The following CYP2C19 variants were observed in gnomAD, a reference collection of about 807,000 sequenced individuals.
CYP2C19 encodes cytochrome P450 family 2 subfamily C member 19.
CYP2C19 carries 59 observed loss-of-function variants against 40.9 expected under a neutral mutation model. The ratio of observed to expected loss-of-function variants is 1.44; its 90% CI spans 1.17 to 1.79. The LOEUF is 1.79. Among genes scored for constraint, CYP2C19 ranks in the 40% most tolerant of loss-of-function variants. CYP2C19 has a pLI of 0.00. For synonymous variants in CYP2C19, 253 were observed against 208.7 expected (o/e 1.21, Z -1.83); for missense variants, 754 against 596.9 (o/e 1.26, Z -2.74).
chr10:94,815,373 C>T (rs1848985900), intron 5 of CYP2C19, among the ~76,000 whole-genome samples: 1 of 152,178 alleles, frequency 6.6e-6, no homozygotes, highest in Admixed American at 6.5e-5. Context: ...TTATTGCTGG[C>T]CTAGGGACTT....
At chr10:94,820,752 C>A in intron 6 of CYP2C19, 115 bp downstream of exon 6, 1 of 1,325,948 alleles carries the variant, frequency 7.5e-7, no homozygotes, top group Non-Finnish European at 1.1e-6. Flanking sequence ...TTTCTGTGCC[C>A]GCAGCTGTAA....
At chr10:94,779,551 T>TTTTCCTTTTC (rs142844620) in intron 3 of CYP2C19, among the ~76,000 whole-genome samples, 1 of 136,166 alleles carries the variant, frequency 7.3e-6, no homozygotes, top group South Asian at 2.3e-4. Context: ...CTTTTTTTCC[T>TTTTCCTTTTC]TTTTCTTTTC....
chr10:94,832,459 T>C (rs1477509265), intron 6 of CYP2C19, among the ~76,000 whole-genome samples: 1 of 152,168 alleles, frequency 6.6e-6, no homozygotes, highest in Non-Finnish European at 1.5e-5. Context: ...GTTTCAATTA[T>C]CCCCACATGG....
chr10:94,826,772 T>C (rs1849231926), intron 6 of CYP2C19, among the ~76,000 whole-genome samples: 1 of 152,204 alleles, frequency 6.6e-6, no homozygotes, highest in Non-Finnish European at 1.5e-5. Flanking sequence ...TTTTGCCCAT[T>C]CAGTATGATG....
At chr10:94,816,429 A>G (rs932182594) in intron 5 of CYP2C19, among the ~76,000 whole-genome samples, 2 of 152,132 alleles carry the variant, frequency 1.3e-5, no homozygotes, top group African/African-American at 2.4e-5. Context: ...GTTAGAGAAA[A>G]TATAAGTGGT....
At chr10:94,841,133 G>A (rs1196628059) in intron 6 of CYP2C19, among the ~76,000 whole-genome samples, 1 of 152,084 alleles carries the variant, frequency 6.6e-6, no homozygotes, top group Non-Finnish European at 1.5e-5. Flanking sequence ...TTGGCCTCAC[G>A]AATTCCAAGG....
intron 1 of CYP2C19, chr10:94,774,440 G>A (rs964088104): frequency 6.5e-6 from 1 of 154,162 alleles, no homozygotes. Flanking sequence ...GGATTAGGGT[G>A]ATTCTTATAA....
intron 6 of CYP2C19, among the ~76,000 whole-genome samples, chr10:94,820,852 A>C (rs1440565715): frequency 6.6e-6 from 1 of 152,182 alleles, no homozygotes; most frequent in African/African-American, 2.4e-5. Context: ...TGGGAGGCCT[A>C]GGTGGGTGGA....
At position 94,826,868 on chromosome 10, in the gene CYP2C19, AG is replaced by A. The variant is rs550482436; in HGVS notation, c.961+6234del. 7.7e-3 allele frequency among the ~76,000 whole-genome samples: 1,170 copies of A among 152,248 alleles called. 4 individuals are homozygous for A. Among genetic ancestry groups the A allele is most frequent in the Non-Finnish European group, 0.013 (911 of 68,034 alleles). On this transcript the variant is annotated intron_variant, in intron 6 of 8. Coordinates refer to ENST00000371321, the MANE Select transcript of CYP2C19 (RefSeq NM_000769.4). ...AATTTATTGAGAGTTTTTAGCATGA[AG>A]GGCTGTTGAATTTTGTCAAAGGCCT... is the stretch of plus-strand genomic sequence containing the variant.
At chr10:94,784,516 A>G (rs1848517019) in intron 5 of CYP2C19, among the ~76,000 whole-genome samples, 1 of 152,122 alleles carries the variant, frequency 6.6e-6, no homozygotes, top group Non-Finnish European at 1.5e-5. Flanking sequence ...CCAGCAATGT[A>G]GAAGGATTTC....
chr10:94,834,774 T>C (rs889138495), intron 6 of CYP2C19, among the ~76,000 whole-genome samples: 2 of 152,210 alleles, frequency 1.3e-5, no homozygotes, highest in African/African-American at 4.8e-5. Context: ...CCTTACTATC[T>C]GATTGGTCAT....
intron 1 of CYP2C19, among the ~76,000 whole-genome samples, chr10:94,767,223 C>T (rs750595344): frequency 1.3e-5 from 2 of 152,078 alleles, no homozygotes; most frequent in Admixed American, 6.5e-5. Flanking sequence ...TCCTTAAGTG[C>T]CTCTTGACTG....
Position 94,852,849 on chromosome 10 carries a change from ACTC to A in CYP2C19, c.1411_1413del (p.Pro471del). 1 of 1,613,448 alleles carries A rather than the reference ACTC, an allele frequency of 6.2e-7. No individual in the cohort carries two copies. The highest frequency in any genetic ancestry group is 2.2e-5 in the East Asian group (1 of 44,836). On this transcript the variant is annotated inframe_deletion, in exon 9 of 9. Transcript: ENST00000371321. ...GATTGACCCAAAGGACCTTGACACA[ACTC>A]CTGTTGTCAATGGATTTGCTTCTGT...
intron 7 of CYP2C19, among the ~76,000 whole-genome samples, chr10:94,846,729 G>C (rs1252513363): frequency 6.6e-6 from 1 of 151,598 alleles, no homozygotes; most frequent in South Asian, 2.1e-4. Flanking sequence ...GGGTACATGT[G>C]CACAATGTGC....
intron 8 of CYP2C19, among the ~76,000 whole-genome samples, chr10:94,850,610 G>A (rs1029854687): frequency 6.6e-6 from 1 of 152,184 alleles, no homozygotes; most frequent in South Asian, 2.1e-4. Flanking sequence ...AGATGGAAAA[G>A]CTGTCTGCTT....
chr10:94,804,271 C>T (rs1204675951), intron 5 of CYP2C19, among the ~76,000 whole-genome samples: 1 of 152,190 alleles, frequency 6.6e-6, no homozygotes, highest in Non-Finnish European at 1.5e-5. Flanking sequence ...GCTGTAGCAG[C>T]TCTCCTTCCA....
At chr10:94,792,452 T>C (rs1848617193) in intron 5 of CYP2C19, among the ~76,000 whole-genome samples, 1 of 152,310 alleles carries the variant, frequency 6.6e-6, no homozygotes, top group Non-Finnish European at 1.5e-5. Flanking sequence ...CTAGCAATGA[T>C]GGTCTTTACA....
intron 5 of CYP2C19, among the ~76,000 whole-genome samples, chr10:94,801,373 G>T (rs1848763334): frequency 6.6e-6 from 1 of 152,166 alleles, no homozygotes; most frequent in South Asian, 2.1e-4. Context: ...TCAGGAGCAG[G>T]TTGTTCAGTT....
intron 5 of CYP2C19, among the ~76,000 whole-genome samples, chr10:94,805,078 C>T (rs1848815445): frequency 6.6e-6 from 1 of 152,074 alleles, no homozygotes; most frequent in South Asian, 2.1e-4. Context: ...CTGGCTAGAA[C>T]TTCCAATACT....
Sources: gnomAD v4.1 joint callset for allele counts (sites outside exome capture counted in the v4.1 genomes callset) on GRCh38, gnomAD v4.1.1 for gene constraint, MANE v1.5 for transcripts, NCBI Gene and HGNC (gene_info 2026-07-23, HGNC 2026-07-21) for gene names.